Variants in TEX2 observed in about 807,000 individuals in gnomAD.
TEX2 encodes testis-expressed protein 2.
TEX2 carries 53 observed loss-of-function variants against 106.9 expected under a neutral mutation model. The ratio of observed to expected loss-of-function variants is 0.50; its 90% CI spans 0.40 to 0.62. The LOEUF is 0.62. TEX2 is among the 20% of genes least tolerant of loss of function. The probability of loss-of-function intolerance (pLI) is 0.00; values close to 1 mark genes in which losing one functional copy is unlikely to be tolerated. For synonymous variants in TEX2, 523 were observed against 534.8 expected (o/e 0.98, Z 0.30); for missense variants, 1,207 against 1,379.0 (o/e 0.88, Z 1.98).
chr17:64,240,045 T>C (rs1555635580), intron 1 of TEX2, among the ~76,000 whole-genome samples: 1 of 152,008 alleles, frequency 6.6e-6, no homozygotes, highest in African/African-American at 2.4e-5. Context: ...ATGGTAAGTA[T>C]ATGCACTGCC....
At chr17:64,246,480 C>T (rs1555636299) in intron 1 of TEX2, among the ~76,000 whole-genome samples, 2 of 152,122 alleles carry the variant, frequency 1.3e-5, no homozygotes, top group African/African-American at 2.4e-5. Context: ...CTCATGACCT[C>T]GTGATCTGCC....
chr17:64,177,320 GATA>G lies in TEX2; in HGVS notation c.2571+2_2571+4del. 6.2e-7 allele frequency: 1 copy of G among 1,614,110 alleles called. No homozygotes were observed. Among genetic ancestry groups the G allele is most frequent in the South Asian group, 1.1e-5 (1 of 91,058 alleles). ...ATTAGAAGCCTCTTGTGTGGAAAGT[GATA>G]CCTTTATTTTGCTGAGTTTCATTTG... On this transcript the variant is annotated splice_donor_variant and splice_donor_region_variant and intron_variant, in intron 6 of 11. Coordinates refer to ENST00000584379, the MANE Select transcript of TEX2 (RefSeq NM_001288732.2). LOFTEE classifies it high-confidence loss of function.
chr17:64,261,278 A>G (rs1555638520), intron 1 of TEX2, among the ~76,000 whole-genome samples: 1 of 148,366 alleles, frequency 6.7e-6, no homozygotes, highest in African/African-American at 2.6e-5. Flanking sequence ...ATACAGCAAA[A>G]TTATTATTAT....
intron 5 of TEX2, among the ~76,000 whole-genome samples, chr17:64,187,317 C>T (rs965236436): frequency 2.6e-5 from 4 of 152,152 alleles, no homozygotes; most frequent in Non-Finnish European, 4.4e-5. Flanking sequence ...GGAATGAGAC[C>T]TGAATCACCA....
intron 10 of TEX2, 92 bp downstream of exon 10, chr17:64,152,853 A>G (rs1352675259): frequency 7.7e-7 from 1 of 1,303,686 alleles, no homozygotes. Flanking sequence ...GGGAGAAGGT[A>G]CTTTCCATAA....
rs561540272 is a variant in TEX2 at position 64,205,567 on chromosome 17, T to C, written c.1644+7007A>G. 1.3e-5 allele frequency among the ~76,000 whole-genome samples: 2 copies of C among 152,278 alleles called. No individual in the cohort carries two copies. Among genetic ancestry groups the C allele is most frequent in the South Asian group, 2.1e-4 (1 of 4,812 alleles). On this transcript the variant is annotated intron_variant, in intron 2 of 11. Transcript: ENST00000584379. The surrounding 1 kb of genome is among the most constrained non-coding windows in gnomAD (Gnocchi z 4.0). ...GTAATGGCCATTTTCTCCTAAAGACTTGCTTACTCTAATTTCTTGAAAGAA... is the reference window on the plus strand; with the variant it reads ...GTAATGGCCATTTTCTCCTAAAGACCTGCTTACTCTAATTTCTTGAAAGAA...
intron 1 of TEX2, among the ~76,000 whole-genome samples, chr17:64,234,728 C>A (rs1246926955): frequency 6.6e-6 from 1 of 152,160 alleles, no homozygotes; most frequent in Non-Finnish European, 1.5e-5. Context: ...AGCACAGGAA[C>A]ATCATAATTA....
chr17:64,157,276 T>G (rs1349182270), intron 8 of TEX2, among the ~76,000 whole-genome samples: 1 of 152,260 alleles, frequency 6.6e-6, no homozygotes, highest in South Asian at 2.1e-4. Flanking sequence ...GAATTCCAGA[T>G]GAGTGTGGTA....
intron 1 of TEX2, among the ~76,000 whole-genome samples, chr17:64,229,757 C>G (rs2033613012): frequency 6.6e-6 from 1 of 152,146 alleles, no homozygotes; most frequent in Non-Finnish European, 1.5e-5. Context: ...ACAATCATTT[C>G]TCTATTTTCT....
At chr17:64,154,992 ACTGC>A in intron 8 of TEX2, 25 bp from the exon 9 acceptor site, 1 of 1,542,008 alleles carries the variant, frequency 6.5e-7, no homozygotes, top group Non-Finnish European at 8.7e-7. Context: ...AGTCACCACC[ACTGC>A]CTGCCCTCAC....
intron 7 of TEX2, among the ~76,000 whole-genome samples, chr17:64,164,538 C>T (rs1359608201): frequency 6.6e-6 from 1 of 152,110 alleles, no homozygotes. Context: ...GCTGTTTTTC[C>T]ACTCTTCAGT....
At chr17:64,218,405 C>CTTT (rs10526886) in intron 1 of TEX2, among the ~76,000 whole-genome samples, 10 of 120,614 alleles carry the variant, frequency 8.3e-5, no homozygotes, top group African/African-American at 3.2e-4. Context: ...GACACTTTCA[C>CTTT]TTTTTTTTTT....
chr17:64,211,501 TA>T (rs1409775376), intron 2 of TEX2, among the ~76,000 whole-genome samples: 7 of 151,932 alleles, frequency 4.6e-5, no homozygotes, highest in South Asian at 2.1e-4. Context: ...AATATGAAAT[TA>T]AAAAAAATAA....
intron 2 of TEX2, among the ~76,000 whole-genome samples, chr17:64,198,844 A>C (rs1205508327): frequency 6.6e-6 from 1 of 152,184 alleles, no homozygotes; most frequent in Non-Finnish European, 1.5e-5. Context: ...GCACCAAATG[A>C]GAAAAAAAGG....
intron 1 of TEX2, among the ~76,000 whole-genome samples, chr17:64,215,896 A>G (rs1388744779): frequency 6.6e-6 from 1 of 152,206 alleles, no homozygotes; most frequent in Non-Finnish European, 1.5e-5. Context: ...GGGTAGGGGA[A>G]TAAGGGGGTT....
chr17:64,242,827 T>C (rs2033912757), intron 1 of TEX2, among the ~76,000 whole-genome samples: 1 of 152,018 alleles, frequency 6.6e-6, no homozygotes. Flanking sequence ...GGCTCATACC[T>C]ATGATCCCAA....
At position 64,258,281 on chromosome 17, in the gene TEX2, T is replaced by C. The variant is rs2034222732; in HGVS notation, c.-26+4887A>G. 4.6e-5 allele frequency among the ~76,000 whole-genome samples: 7 copies of C among 152,144 alleles called. No homozygotes were observed. The South Asian group carries it at 1.4e-3, about 32-fold the overall frequency. On this transcript the variant is annotated intron_variant, in intron 1 of 11. Transcript: ENST00000584379. ...GTCTAATTTATAAATTAAACTTTAT[T>C]ATAGGTATACATGCATAGGAAAAAA...
At chr17:64,261,197 G>A (rs1555638509) in intron 1 of TEX2, among the ~76,000 whole-genome samples, 1 of 152,122 alleles carries the variant, frequency 6.6e-6, no homozygotes, top group Non-Finnish European at 1.5e-5. Context: ...ATGGCATATA[G>A]AAACAAACTC....
intron 1 of TEX2, among the ~76,000 whole-genome samples, chr17:64,247,575 A>AGGC (rs2034013735): frequency 6.6e-6 from 1 of 152,124 alleles, no homozygotes; most frequent in African/African-American, 2.4e-5. Flanking sequence ...AGCAGTGAGG[A>AGGC]GGCGGCCAGG....
Sources: gnomAD v4.1 joint callset for allele counts (sites outside exome capture counted in the v4.1 genomes callset) on GRCh38, gnomAD v4.1.1 for gene constraint, Gnocchi (gnomAD v3.1) non-coding constraint, MANE v1.5 for transcripts, NCBI Gene and HGNC (gene_info 2026-07-23, HGNC 2026-07-21) for gene names.